The following PAK2 variants were observed in gnomAD, a reference collection of about 807,000 sequenced individuals.
PAK2 encodes the protein p21 (RAC1) activated kinase 2, also known as serine/threonine-protein kinase PAK 2.
Under a neutral mutation model 65.9 loss-of-function variants are expected in PAK2, and 21 were observed. That is an observed-to-expected ratio of 0.32 (90% CI 0.23 to 0.46). The LOEUF is 0.46. Ranked by LOEUF, PAK2 falls within the 20% of genes least tolerant of loss-of-function variation. The pLI is 1.00. For missense variants in PAK2, 324 were observed against 642.6 expected (o/e 0.50, Z 5.36); for synonymous variants, 204 against 219.7 (o/e 0.93, Z 0.63).
intron 1 of PAK2, among the ~76,000 whole-genome samples, chr3:196,782,382 G>T (rs1714742704): frequency 6.6e-6 from 1 of 151,694 alleles, no homozygotes; most frequent in Non-Finnish European, 1.5e-5. Flanking sequence ...AGTAGCTTTT[G>T]GTAGTACCAT....
In PAK2 at chr3:196,827,301, G is replaced by A; in HGVS notation, c.1456G>A (p.Glu486Lys). 1.2e-6 allele frequency: 2 copies of A among 1,609,468 alleles called. No individual in the cohort carries two copies. Among genetic ancestry groups the A allele is most frequent in the Non-Finnish European group, 1.7e-6 (2 of 1,178,376 alleles). ...FLNRCLEMDV[E>K]KRGSAKELLQ... is the part of the protein sequence containing the mutation. ...AAATCGATGTTTGGAAATGGATGTG[G>A]AAAAAAGGGGTTCAGCCAAAGAATT... is the stretch of plus-strand genomic sequence containing the variant. Residue 486 changes from glutamate (E) to lysine (K), a missense_variant, in exon 14 of 15, where the codon GAA (glutamate) becomes AAA (lysine). Glu to Lys is a moderately conservative substitution (Grantham distance 56). Around this residue, in one of 5 missense-constraint regions of PAK2, gnomAD observed 43 missense variants for 67.6 expected, o/e 0.64. Coordinates refer to ENST00000327134, the MANE Select transcript of PAK2 (RefSeq NM_002577.4).
rs1327376870 is a variant in PAK2, at chr3:196,811,197, T to C, written c.773+544T>C. Among the ~76,000 whole-genome samples, 11 of 8,518 alleles carry C rather than the reference T, an allele frequency of 1.3e-3. No individual in the cohort carries two copies. The East Asian group carries it at 0.11, about 83-fold the overall frequency. The allele number at this position is 8,518 out of a possible 152,430, so 5.6% of individuals were successfully genotyped here. ...TTTGAAAACTTCCATATGAATTCCTTCCTCCCTTCCTTCCCTTCCCTCCCT... is the reference window on the plus strand; with the variant it reads ...TTTGAAAACTTCCATATGAATTCCTCCCTCCCTTCCTTCCCTTCCCTCCCT... On this transcript the variant is annotated intron_variant, in intron 8 of 14. Transcript: ENST00000327134.
At chr3:196,779,629 A>G (rs1263377823) in intron 1 of PAK2, among the ~76,000 whole-genome samples, 2 of 152,134 alleles carry the variant, frequency 1.3e-5, no homozygotes. Context: ...GAAAGAATTT[A>G]TAGCACTTTA....
chr3:196,808,590 C>T (rs1469585637), intron 7 of PAK2, among the ~76,000 whole-genome samples: 1 of 134,846 alleles, frequency 7.4e-6, no homozygotes, highest in Admixed American at 7.7e-5. Flanking sequence ...ACCGGCCGGG[C>T]ACTGTGGCTC....
chr3:196,779,953 G>A (rs942804094), intron 1 of PAK2, among the ~76,000 whole-genome samples: 1 of 152,212 alleles, frequency 6.6e-6, no homozygotes, highest in African/African-American at 2.4e-5. Context: ...GAGCCACCGC[G>A]CCCAGCCGCA....
chr3:196,746,342 T>G (rs1199329122), intron 1 of PAK2, among the ~76,000 whole-genome samples: 3 of 152,174 alleles, frequency 2.0e-5, no homozygotes, highest in Non-Finnish European at 4.4e-5. Flanking sequence ...ATTGTAACAT[T>G]TAGATGATGA....
chr3:196,808,581 C>T (rs1159811520), intron 7 of PAK2, among the ~76,000 whole-genome samples: 3 of 94,326 alleles, frequency 3.2e-5, no homozygotes, highest in Non-Finnish European at 6.5e-5. Context: ...AAAAAGCGAA[C>T]CGGCCGGGCA....
rs1173313052 is a variant in PAK2 at position 196,802,037 on chromosome 3, C to T, written c.288+10C>T. ...TACTGGAGAATTCACTGTAAGTTAA[C>T]CTAGTTCGGGCCCATTTATAACGTT... On this transcript the variant is annotated intron_variant, in intron 3 of 14. Transcript: ENST00000327134. 2.2e-6 allele frequency: 3 copies of T among 1,370,606 alleles called. No homozygotes were observed. The East Asian group carries it at 6.9e-5, about 31-fold the overall frequency. The allele number at this position is 1,370,606 out of a possible 1,614,324, so 84.9% of individuals were successfully genotyped here.
intron 10 of PAK2, among the ~76,000 whole-genome samples, chr3:196,813,236 T>TATCA (rs777594526): frequency 2.0e-5 from 3 of 152,172 alleles, no homozygotes; most frequent in Non-Finnish European, 4.4e-5. Context: ...TTTATATGTC[T>TATCA]ATCAAAACCT....
intron 1 of PAK2, among the ~76,000 whole-genome samples, chr3:196,767,558 G>A (rs1714212004): frequency 6.6e-6 from 1 of 150,526 alleles, no homozygotes; most frequent in Non-Finnish European, 1.5e-5. Context: ...GCATGATCTT[G>A]GCTCACTGCA....
intron 11 of PAK2, 83 bp from the exon 12 acceptor site, chr3:196,817,974 A>G (rs147840392): frequency 1.4e-4 from 79 of 576,382 alleles, no homozygotes; most frequent in African/African-American, 1.3e-3. Context: ...ACTGGAAGCA[A>G]TGCTCAGGCC....
At chr3:196,795,200 A>G (rs1344972604) in intron 2 of PAK2, among the ~76,000 whole-genome samples, 3 of 152,046 alleles carry the variant, frequency 2.0e-5, no homozygotes, top group Non-Finnish European at 4.4e-5. Flanking sequence ...TCATGCCTCC[A>G]ATCCTAGGAT....
At position 196,820,644 on chromosome 3, in the gene PAK2, CT is replaced by C. The variant is rs1234535864; in HGVS notation, c.1350+78del. ...ATTTAGAACTTGCACGTGCCTGGCA[CT>C]GTCCAAGAATTTAAAGTAGAAGGTT... On this transcript the variant is annotated intron_variant, in intron 13 of 14. Coordinates refer to ENST00000327134, the MANE Select transcript of PAK2 (RefSeq NM_002577.4). This position sits in a 1 kb window ranked among gnomAD's most constrained non-coding sequence, Gnocchi z 4.6. 5.4e-6 allele frequency: 4 copies of C among 747,464 alleles called. No homozygotes were observed. Among genetic ancestry groups the C allele is most frequent in the Non-Finnish European group, 8.6e-6 (4 of 463,390 alleles). The allele number at this position is 747,464 out of a possible 1,614,324, so 46.3% of individuals were successfully genotyped here.
At chr3:196,761,844 C>A (rs1471247607) in intron 1 of PAK2, among the ~76,000 whole-genome samples, 511 of 143,988 alleles carry the variant, frequency 3.5e-3, no homozygotes, top group African/African-American at 0.013. Context: ...TGACCCCCCC[C>A]CACCTCCCTC....
In PAK2 at chr3:196,791,911, C is replaced by T. The variant is rs1391701976; in HGVS notation, c.187+9078C>T. Among the ~76,000 whole-genome samples the T allele has an allele frequency of 1.0e-4, 15 of 144,628 alleles. No homozygotes were observed. The highest frequency in any genetic ancestry group is 2.0e-4 in the East Asian group (1 of 5,026). 94.9% of individuals were successfully genotyped at this position (144,628 alleles called of 152,430 possible). Reference sequence around the variant, plus strand: ...CCGCACTCCAACCTGGGCGACAGAGCGAGACTCCGTCAAAAAAAAAAAAAA... The same window carrying T: ...CCGCACTCCAACCTGGGCGACAGAGTGAGACTCCGTCAAAAAAAAAAAAAA... On this transcript the variant is annotated intron_variant, in intron 2 of 14. Transcript: ENST00000327134. The surrounding 1 kb of genome is among the most constrained non-coding windows in gnomAD (Gnocchi z 4.0).
rs1713121078 is a variant in PAK2, at chr3:196,739,861, TCCTC to T, written c.-315_-312del. 6.6e-6 allele frequency: 1 copy of T among 151,152 alleles called. No homozygotes were observed. Among genetic ancestry groups the T allele is most frequent in the African/African-American group, 2.5e-5 (1 of 40,812 alleles). The allele number at this position is 151,152 out of a possible 1,614,324, so 9.4% of individuals were successfully genotyped here. On this transcript the variant is annotated 5_prime_UTR_variant, in exon 1 of 15. Coordinates refer to ENST00000327134, the MANE Select transcript of PAK2 (RefSeq NM_002577.4). ...CGCCCCGCCCCGCTCCCCGCCGTCT[TCCTC>T]CCCCAGGGTTGTGGCCACGCGCAGC...
chr3:196,787,825 C>G (rs551189592), intron 2 of PAK2, among the ~76,000 whole-genome samples: 11 of 152,318 alleles, frequency 7.2e-5, no homozygotes, highest in African/African-American at 2.2e-4. Context: ...ACACTTATTG[C>G]TCCTACCTGG....
At chr3:196,819,360 T>C (rs886514421) in intron 12 of PAK2, among the ~76,000 whole-genome samples, 2 of 152,110 alleles carry the variant, frequency 1.3e-5, no homozygotes, top group African/African-American at 4.8e-5. Flanking sequence ...GAGGATGGCT[T>C]GAGCACAGGA....
At chr3:196,800,907 C>T (rs1259747432) in intron 2 of PAK2, among the ~76,000 whole-genome samples, 4 of 151,654 alleles carry the variant, frequency 2.6e-5, no homozygotes, top group Non-Finnish European at 5.9e-5. Flanking sequence ...ATGTCATGGA[C>T]GGTAACTGCA....
Sources: gnomAD v4.1 joint callset for allele counts (sites outside exome capture counted in the v4.1 genomes callset) on GRCh38, gnomAD v4.1.1 for gene constraint, gnomAD v4.1.1 regional missense constraint, Gnocchi (gnomAD v3.1) non-coding constraint, MANE v1.5 for transcripts, NCBI Gene and HGNC (gene_info 2026-07-23, HGNC 2026-07-21) for gene names.